The following LIN9 variants were observed in gnomAD, a reference collection of about 807,000 sequenced individuals.
The protein encoded by LIN9 is lin-9 DREAM MuvB core complex component.
Under a neutral mutation model 78.0 loss-of-function variants are expected in LIN9, and 18 were observed. The observed-to-expected ratio is 0.23, with a 90% CI of 0.16 to 0.34. The LOEUF (loss-of-function observed/expected upper bound fraction) is 0.34, where lower values mean the gene tolerates loss of function less well. LIN9 is among the 10% of genes least tolerant of loss of function. The pLI, the probability that LIN9 is intolerant of heterozygous loss-of-function variation, is 1.00. For missense variants in LIN9, 451 were observed against 644.1 expected (o/e 0.70, Z 3.25); for synonymous variants, 192 against 215.2 (o/e 0.89, Z 0.94).
intron 6 of LIN9, among the ~76,000 whole-genome samples, chr1:226,282,388 T>G (rs1487574799): frequency 6.6e-6 from 1 of 152,228 alleles, no homozygotes; most frequent in African/African-American, 2.4e-5. Context: ...TTTGTAAATT[T>G]TATAGATATT....
At chr1:226,307,010 T>C (rs1662960373) in intron 1 of LIN9, among the ~76,000 whole-genome samples, 1 of 152,216 alleles carries the variant, frequency 6.6e-6, no homozygotes, top group Admixed American at 6.5e-5. Flanking sequence ...CAAAGTAATA[T>C]AAATGATTAG....
chr1:226,282,591 C>T (rs1661135898), intron 6 of LIN9, among the ~76,000 whole-genome samples: 1 of 152,148 alleles, frequency 6.6e-6, no homozygotes, highest in African/African-American at 2.4e-5. Flanking sequence ...GAGGCCGAGG[C>T]GGGCAGATCA....
chr1:226,305,128 C>T (rs1371051066), intron 1 of LIN9, among the ~76,000 whole-genome samples: 1 of 151,576 alleles, frequency 6.6e-6, no homozygotes. Flanking sequence ...AAAGACTGCA[C>T]CGCTGCACTC....
chr1:226,257,018 AT>A (rs1376100350), intron 10 of LIN9, among the ~76,000 whole-genome samples: 3 of 151,920 alleles, frequency 2.0e-5, no homozygotes, highest in African/African-American at 7.3e-5. Context: ...CAATGGAGCG[AT>A]TTTGGCTCCC....
At position 226,286,317 on chromosome 1, in the gene LIN9, A is replaced by G. The variant is rs1438043826; in HGVS notation, c.524+16T>C. On this transcript the variant is annotated intron_variant, in intron 6 of 14. Coordinates refer to ENST00000681046, the MANE Select transcript of LIN9 (RefSeq NM_001366245.2). ...CTTGATTTTATTTTAAACAAAAACA[A>G]AAACATTATTTTTACCTCCGTGGTT... is the stretch of plus-strand genomic sequence containing the variant. The G allele has an allele frequency of 1.9e-6, 3 of 1,600,758 alleles. No individual in the cohort carries two copies. Among genetic ancestry groups the G allele is most frequent in the Non-Finnish European group, 2.5e-6 (3 of 1,176,586 alleles).
At chr1:226,279,608 C>A (rs796935051) in intron 6 of LIN9, among the ~76,000 whole-genome samples, 1,046 of 64,014 alleles carry the variant, frequency 0.016, no homozygotes, top group African/African-American at 0.017. Flanking sequence ...GCCAAAAATA[C>A]AAAAAAAAAA....
chr1:226,275,637 G>A (rs1199837249), intron 7 of LIN9, among the ~76,000 whole-genome samples: 1 of 146,950 alleles, frequency 6.8e-6, no homozygotes, highest in Non-Finnish European at 1.5e-5. Flanking sequence ...AGGCTGCAGT[G>A]AGCCGAGACT....
intron 10 of LIN9, among the ~76,000 whole-genome samples, chr1:226,252,453 G>A (rs1166910968): frequency 6.6e-6 from 1 of 151,942 alleles, no homozygotes; most frequent in Non-Finnish European, 1.5e-5. Context: ...TTTACGTTAA[G>A]ATACAAAGAA....
At position 226,266,244 on chromosome 1, in the gene LIN9, T is replaced by C. The variant is rs764468024; in HGVS notation, c.905A>G (p.His302Arg). ...TGGTGACTGGAGAGGAGGAGTATAATGTAACCGTGGTGGGGTCATAAAAAA... is the reference window on the plus strand; with the variant it reads ...TGGTGACTGGAGAGGAGGAGTATAACGTAACCGTGGTGGGGTCATAAAAAA... ...SRFFMTPPRL[H>R]YTPPLQSPII... Residue 302 changes from histidine (H) to arginine (R), a missense_variant, in exon 9 of 15, where the codon CAT becomes CGT. Transcript: ENST00000681046. 1.3e-6 allele frequency: 2 copies of C among 1,596,202 alleles called. No individual in the cohort carries two copies. Among genetic ancestry groups the C allele is most frequent in the Non-Finnish European group, 1.7e-6 (2 of 1,168,542 alleles).
chr1:226,289,027 A>T (rs1005994148), intron 4 of LIN9, among the ~76,000 whole-genome samples: 1 of 152,152 alleles, frequency 6.6e-6, no homozygotes, highest in African/African-American at 2.4e-5. Flanking sequence ...TCACAAGGTC[A>T]GGAGCTCCAG....
At chr1:226,255,883 C>T (rs755486046) in intron 10 of LIN9, among the ~76,000 whole-genome samples, 1 of 151,484 alleles carries the variant, frequency 6.6e-6, no homozygotes, top group Non-Finnish European at 1.5e-5. Context: ...AAAGGTATAA[C>T]TTATGCATTA....
In LIN9 at chr1:226,282,547, G is replaced by A. The variant is rs927094533; in HGVS notation, c.524+3786C>T. Among the ~76,000 whole-genome samples, 11 of 152,180 alleles carry A rather than the reference G, an allele frequency of 7.2e-5. No individual in the cohort carries two copies. In the South Asian group the frequency reaches 8.3e-4, roughly 11 times the overall value. The stretch of plus-strand genomic sequence containing the variant: ...GTTAAAAGCAGTATCTCGGCCGGGC[G>A]CGGTGGCTCACGCCTGTGATCCCAG... On this transcript the variant is annotated intron_variant, in intron 6 of 14. Coordinates refer to ENST00000681046, the MANE Select transcript of LIN9 (RefSeq NM_001366245.2).
At chr1:226,233,026 T>C (rs1657451281) in intron 14 of LIN9, 70 bp downstream of exon 14, 3 of 923,404 alleles carry the variant, frequency 3.2e-6, no homozygotes, top group South Asian at 3.4e-5. Flanking sequence ...TATGCATAAT[T>C]CTTAAAACCT....
upstream of LIN9, chr1:226,309,344 C>T (rs1227462878): frequency 9.1e-6 from 9 of 991,354 alleles, no homozygotes; most frequent in Non-Finnish European, 1.1e-5. Flanking sequence ...GGCCGCGCCT[C>T]GCCCCTCCGC....
intron 4 of LIN9, among the ~76,000 whole-genome samples, chr1:226,293,304 C>T (rs1168965661): frequency 6.6e-6 from 1 of 152,116 alleles, no homozygotes; most frequent in Non-Finnish European, 1.5e-5. Context: ...CTAAAAAGGG[C>T]TCTGTAAAAT....
At chr1:226,240,386 GTTT>G (rs34988388) in intron 11 of LIN9, among the ~76,000 whole-genome samples, 18 of 123,958 alleles carry the variant, frequency 1.5e-4, no homozygotes, top group Admixed American at 1.6e-4. Context: ...CTTGTTCTAA[GTTT>G]TTTTTTTTTT....
chr1:226,266,001 A>G (rs1039724738), intron 9 of LIN9, among the ~76,000 whole-genome samples: 2 of 152,110 alleles, frequency 1.3e-5, no homozygotes, highest in East Asian at 3.8e-4. Context: ...TTTTAGAAAA[A>G]GAGAAAATTC....
intron 12 of LIN9, among the ~76,000 whole-genome samples, chr1:226,236,112 T>C (rs1657687613): frequency 6.6e-6 from 1 of 152,158 alleles, no homozygotes; most frequent in South Asian, 2.1e-4. Context: ...TTTATGTTTA[T>C]TTCTAATATT....
intron 12 of LIN9, among the ~76,000 whole-genome samples, chr1:226,237,623 ACT>A (rs1276496587): frequency 4.0e-5 from 4 of 99,744 alleles, no homozygotes; most frequent in African/African-American, 1.6e-4. Flanking sequence ...CAAGGGCGAA[ACT>A]CTGTCTCAAA....
Sources: gnomAD v4.1 joint callset for allele counts (sites outside exome capture counted in the v4.1 genomes callset) on GRCh38, gnomAD v4.1.1 for gene constraint, MANE v1.5 for transcripts, NCBI Gene and HGNC (gene_info 2026-07-23, HGNC 2026-07-21) for gene names.